The following ZNF618 variants were observed in gnomAD, a reference collection of about 807,000 sequenced individuals.
The protein encoded by ZNF618 is neural precursor cell expressed, developmentally down-regulated 10.
In ZNF618, 34 loss-of-function variants were observed where a neutral mutation model predicts 103.0. That is an observed-to-expected ratio of 0.33 (90% confidence interval 0.25 to 0.44). The LOEUF (loss-of-function observed/expected upper bound fraction) is 0.44, where lower values mean the gene tolerates loss of function less well. ZNF618 is among the 20% of genes least tolerant of loss of function. The probability of loss-of-function intolerance (pLI) is 1.00; values close to 1 mark genes in which losing one functional copy is unlikely to be tolerated. For missense variants in ZNF618, 1,059 were observed against 1,295.4 expected (o/e 0.82, Z 2.80); for synonymous variants, 551 against 542.2 (o/e 1.02, Z -0.23).
At chr9:113,968,541 G>A (rs1269035507) in intron 1 of ZNF618, among the ~76,000 whole-genome samples, 2 of 152,114 alleles carry the variant, frequency 1.3e-5, no homozygotes, top group African/African-American at 2.4e-5. Flanking sequence ...ACTTCAGGTA[G>A]CTCCCTCTGT....
At chr9:113,960,084 C>T (rs1380938218) in intron 1 of ZNF618, among the ~76,000 whole-genome samples, 1 of 152,216 alleles carries the variant, frequency 6.6e-6, no homozygotes, top group Admixed American at 6.5e-5. Context: ...ACAACAACAG[C>T]AACAAAAATC....
chr9:113,958,238 A>T (rs780577263), intron 1 of ZNF618, among the ~76,000 whole-genome samples: 3 of 152,284 alleles, frequency 2.0e-5, no homozygotes, highest in Non-Finnish European at 4.4e-5. Flanking sequence ...GACTCGGAGT[A>T]TCTGGGTTGG....
At position 114,037,629 on chromosome 9, in the gene ZNF618, A is replaced by G. The variant is rs559579246; in HGVS notation, c.1246+1252A>G. On this transcript the variant is annotated intron_variant, in intron 13 of 14. Transcript: ENST00000374126. ...GGTAGCTGCTGTTATTTCACCTGTT[A>G]TTGTTATTGTACAAATCTTTCACAT... Among the ~76,000 whole-genome samples the G allele has an allele frequency of 3.4e-4, 52 of 152,130 alleles. 1 individual carries two copies. Among genetic ancestry groups the G allele is most frequent in the Non-Finnish European group, 5.3e-4 (36 of 68,022 alleles).
intron 1 of ZNF618, among the ~76,000 whole-genome samples, chr9:113,933,629 G>A (rs183056785): frequency 6.6e-6 from 1 of 152,244 alleles, no homozygotes; most frequent in East Asian, 1.9e-4. Flanking sequence ...AAATTGTTGG[G>A]CTGTACTAAG....
intron 1 of ZNF618, among the ~76,000 whole-genome samples, chr9:113,939,557 G>A (rs1834366076): frequency 6.6e-6 from 1 of 152,018 alleles, no homozygotes; most frequent in Non-Finnish European, 1.5e-5. Context: ...AGAAAACATA[G>A]ATATAATTCG....
intron 1 of ZNF618, among the ~76,000 whole-genome samples, chr9:113,883,994 C>CCG (rs1828797494): frequency 2.0e-5 from 1 of 50,450 alleles, no homozygotes; most frequent in Non-Finnish European, 8.8e-5. Context: ...CCCCCCCCCC[C>CCG]CCCCCCCCGC....
At chr9:113,913,343 C>T (rs77222818) in intron 1 of ZNF618, among the ~76,000 whole-genome samples, 7,554 of 152,326 alleles carry the variant, frequency 0.05, 283 homozygotes, top group African/African-American at 0.097. Flanking sequence ...AAAGTCTGTG[C>T]GGTTGACCGC....
chr9:113,961,860 G>A (rs1210816580), intron 1 of ZNF618, among the ~76,000 whole-genome samples: 3 of 152,218 alleles, frequency 2.0e-5, no homozygotes, highest in Admixed American at 6.5e-5. Flanking sequence ...TTGGAGCTCT[G>A]TAGCTAGACA....
chr9:113,939,171 T>G (rs1347031499), intron 1 of ZNF618, among the ~76,000 whole-genome samples: 6 of 152,216 alleles, frequency 3.9e-5, no homozygotes, highest in Admixed American at 1.3e-4. Context: ...CTGACTTCAA[T>G]TAGAGTAGTT....
chr9:113,971,317 G>A (rs932252460), intron 2 of ZNF618, among the ~76,000 whole-genome samples: 6 of 152,092 alleles, frequency 3.9e-5, no homozygotes, highest in Non-Finnish European at 7.4e-5. Flanking sequence ...GGCGTATAAT[G>A]AGTCAGTGGC....
chr9:113,878,831 G>A (rs1828214897), intron 1 of ZNF618, among the ~76,000 whole-genome samples: 1 of 152,144 alleles, frequency 6.6e-6, no homozygotes, highest in African/African-American at 2.4e-5. Flanking sequence ...CTGTTTTGTG[G>A]AAATTTGGAT....
chr9:113,940,952 T>C (rs576214110), intron 1 of ZNF618, among the ~76,000 whole-genome samples: 56 of 152,344 alleles, frequency 3.7e-4, no homozygotes, highest in Admixed American at 1.0e-3. Flanking sequence ...TTCTGCCACG[T>C]AATTTTGGTT....
intron 1 of ZNF618, among the ~76,000 whole-genome samples, chr9:113,888,707 C>T (rs537022821): frequency 3.9e-5 from 6 of 152,298 alleles, no homozygotes; most frequent in Middle Eastern, 3.4e-3. Context: ...TAGCCCTGGA[C>T]GCTTTCCAGT....
intron 1 of ZNF618, among the ~76,000 whole-genome samples, chr9:113,938,203 T>G (rs1029206750): frequency 7.3e-6 from 1 of 136,080 alleles, no homozygotes; most frequent in African/African-American, 2.7e-5. Context: ...AGGGTCTTGC[T>G]CTGTTGCCCA....
intron 3 of ZNF618, among the ~76,000 whole-genome samples, chr9:113,996,044 AC>A (rs1840559695): frequency 1.3e-5 from 2 of 151,998 alleles, no homozygotes; most frequent in Admixed American, 6.6e-5. Context: ...GGACCTACTT[AC>A]CCCTTGGGCA....
intron 2 of ZNF618, among the ~76,000 whole-genome samples, chr9:113,984,691 C>T (rs371325504): frequency 4.6e-4 from 70 of 152,280 alleles, no homozygotes; most frequent in Middle Eastern, 3.4e-3. Context: ...AGTTCTGGGC[C>T]GGGGGCCCCA....
intron 1 of ZNF618, among the ~76,000 whole-genome samples, chr9:113,899,160 A>G (rs1218304880): frequency 2.0e-5 from 3 of 151,726 alleles, no homozygotes; most frequent in Non-Finnish European, 2.9e-5. Context: ...TAAAGTACAC[A>G]TATTAAATTT....
intron 1 of ZNF618, among the ~76,000 whole-genome samples, chr9:113,948,358 A>C (rs1473069738): frequency 6.6e-6 from 1 of 152,190 alleles, no homozygotes; most frequent in Non-Finnish European, 1.5e-5. Flanking sequence ...GAAAGCAGAG[A>C]TGACATTTCC....
chr9:114,020,152 G>T (rs1236472455), intron 10 of ZNF618, among the ~76,000 whole-genome samples: 2 of 152,214 alleles, frequency 1.3e-5, no homozygotes, highest in East Asian at 3.9e-4. Context: ...ATTTGAATGT[G>T]TAAGTATTTT....
Sources: allele counts gnomAD v4.1 joint callset (sites outside exome capture counted in the v4.1 genomes callset), GRCh38; gene constraint gnomAD v4.1.1; transcripts MANE v1.5; gene names NCBI Gene and HGNC (gene_info 2026-07-23, HGNC 2026-07-21).